Variants in MOGAT3 observed in about 807,000 individuals in gnomAD.
MOGAT3 encodes the protein monoacylglycerol O-acyltransferase 3, also known as 2-acylglycerol O-acyltransferase 3.
Under a neutral mutation model 34.4 loss-of-function variants are expected in MOGAT3, and 39 were observed. That is an observed-to-expected ratio of 1.13 (90% confidence interval 0.88 to 1.48). The LOEUF (loss-of-function observed/expected upper bound fraction) is 1.48, where lower values mean the gene tolerates loss of function less well. MOGAT3 is among the 40% of genes most tolerant of loss of function. The pLI is 0.00. For synonymous variants in MOGAT3, 209 were observed against 179.2 expected, an observed-to-expected ratio of 1.17 and a Z score of -1.33; for missense variants, 439 against 438.9, an observed-to-expected ratio of 1.00 and a Z score of 0.00.
At chr7:101,199,242 G>A (rs1262156160) in intron 3 of MOGAT3, among the ~76,000 whole-genome samples, 2 of 152,014 alleles carry the variant, frequency 1.3e-5, no homozygotes, top group African/African-American at 2.4e-5. Context: ...TCCTGACCTC[G>A]TGATCTGCCT....
downstream of MOGAT3, among the ~76,000 whole-genome samples, chr7:101,193,064 C>T (rs375668535): frequency 1.3e-5 from 2 of 151,928 alleles, no homozygotes; most frequent in African/African-American, 4.8e-5. Context: ...GGCGACAGAG[C>T]GAGACTCCAT....
At chr7:101,194,369 G>C (rs530205428), downstream of MOGAT3, among the ~76,000 whole-genome samples, 1 of 151,684 alleles carries the variant, frequency 6.6e-6, no homozygotes, top group Admixed American at 6.6e-5. Context: ...TGTATTTTTA[G>C]TAGAGACGGG....
intron 5 of MOGAT3, 38 bp downstream of exon 5, chr7:101,198,153 G>A (rs773211183): frequency 6.3e-7 from 1 of 1,577,402 alleles, no homozygotes; most frequent in East Asian, 2.3e-5. Context: ...GCATAAACCA[G>A]CAGAGAACTG....
In MOGAT3 at chr7:101,195,869, T is replaced by G. The variant is rs1183599850; in HGVS notation, c.*77A>C. The G allele has an allele frequency of 3.3e-6, 5 of 1,496,346 alleles. No homozygotes were observed. In the Admixed American group the frequency reaches 8.6e-5, roughly 26 times the overall value. The allele number at this position is 1,496,346 out of a possible 1,614,324, so 92.7% of individuals were successfully genotyped here. ...CGCTGGGCCCAGAACTACCTTTTAT[T>G]GGAGGCATGGAGTCCACAGTGGGTG... On this transcript the variant is annotated 3_prime_UTR_variant, in exon 7 of 7. Coordinates refer to ENST00000223114, the MANE Select transcript of MOGAT3 (RefSeq NM_178176.4).
At position 101,198,207 on chromosome 7, in the gene MOGAT3, G is replaced by T. The variant is rs147088021; in HGVS notation, c.652C>A (p.Leu218Met). Residue 218 changes from leucine to methionine, a missense_variant, in exon 5 of 7, where the codon CTG becomes ATG. Transcript: ENST00000223114. The part of the protein sequence containing the change: ...TLQKRKGFVR[L>M]ALRHGASLVP... ...CGCACTCACCCGTGCCTCAGCGCCAGGCGCACGAAGCCTTTGCGCTTCTGG... is the reference window on the plus strand; with the variant it reads ...CGCACTCACCCGTGCCTCAGCGCCATGCGCACGAAGCCTTTGCGCTTCTGG... 10 of 1,612,634 alleles carry T rather than the reference G, an allele frequency of 6.2e-6. No homozygotes were observed. Among genetic ancestry groups the T allele is most frequent in the Non-Finnish European group, 8.5e-6 (10 of 1,179,218 alleles).
chr7:101,199,088 C>T (rs1318039760), intron 3 of MOGAT3, among the ~76,000 whole-genome samples: 2 of 151,502 alleles, frequency 1.3e-5, no homozygotes, highest in Admixed American at 6.6e-5. Flanking sequence ...CTGCAACCTC[C>T]GCCTCTTGGT....
At position 101,196,061 on chromosome 7, in the gene MOGAT3, G is replaced by A. The variant is rs1233038388; in HGVS notation, c.911C>T (p.Thr304Ile). Residue 304 changes from threonine (T) to isoleucine (I), a missense_variant, in exon 7 of 7, where the codon ACC becomes ATC. By Grantham distance (89) the Thr-to-Ile change is moderately conservative. Coordinates refer to ENST00000223114, the MANE Select transcript of MOGAT3 (RefSeq NM_178176.4). ...PIPVPQRLHP[T>I]EEEVNHYHAL... is the part of the protein sequence containing the mutation. ...GTGATAGTGATTGACTTCCTCCTCG[G>A]TGGGGTGGAGGCGCTGGGGGACGGG... The A allele has an allele frequency of 1.2e-6, 2 of 1,613,424 alleles. No homozygotes were observed. Among genetic ancestry groups the A allele is most frequent in the Non-Finnish European group, 1.7e-6 (2 of 1,179,676 alleles).
chr7:101,200,910 G>C lies in MOGAT3; in HGVS notation c.-56C>G. Reference sequence around the variant, plus strand: ...CAGAACCCGGAGGACAAACGATGAAGGCTTGGATGTGGACCTGGGCAGACT... The same window carrying C: ...CAGAACCCGGAGGACAAACGATGAACGCTTGGATGTGGACCTGGGCAGACT... On this transcript the variant is annotated 5_prime_UTR_variant, in exon 1 of 7. Coordinates refer to ENST00000223114, the MANE Select transcript of MOGAT3 (RefSeq NM_178176.4). 1 of 1,448,138 alleles carries C rather than the reference G, an allele frequency of 6.9e-7. No individual in the cohort carries two copies. The highest frequency in any genetic ancestry group is 9.5e-7 in the Non-Finnish European group (1 of 1,049,428). 89.7% of individuals were successfully genotyped at this position (1,448,138 alleles called of 1,614,324 possible). A position where few individuals can be genotyped will look rare whatever the true frequency, so the allele number is the denominator to read the frequency against.
chr7:101,196,126 C>T (rs760159050), intron 6 of MOGAT3, 26 bp from the exon 7 acceptor site: 18 of 1,588,296 alleles, frequency 1.1e-5, no homozygotes, highest in South Asian at 2.3e-5. Flanking sequence ...GACAGGTGGG[C>T]GAGGGATCCC....
chr7:101,200,689 C>T (rs1797933353), intron 1 of MOGAT3, 57 bp downstream of exon 1: 2 of 1,487,018 alleles, frequency 1.3e-6, no homozygotes, highest in Non-Finnish European at 1.9e-6. Context: ...AGCCACTCTC[C>T]CTCCAAGCCC....
chr7:101,198,136 A>C, intron 5 of MOGAT3, 55 bp downstream of exon 5: 2 of 1,553,504 alleles, frequency 1.3e-6, no homozygotes, highest in Non-Finnish European at 1.7e-6. Flanking sequence ...CTGGGGACTG[A>C]GAGAGGGCAT....
rs1277190865 is a variant in MOGAT3 at position 101,195,651 on chromosome 7, C to T, written c.*295G>A. 2.5e-6 allele frequency: 1 copy of T among 394,308 alleles called. No homozygotes were observed. Among genetic ancestry groups the T allele is most frequent in the Non-Finnish European group, 4.6e-6 (1 of 215,968 alleles). The allele number at this position is 394,308 out of a possible 1,614,324, so 24.4% of individuals were successfully genotyped here. On this transcript the variant is annotated 3_prime_UTR_variant, in exon 7 of 7. Coordinates refer to ENST00000223114, the MANE Select transcript of MOGAT3 (RefSeq NM_178176.4). ...CCGCCTCCTGGGTTTAAGCAAGTCT[C>T]CTGCCTCAGCCTCCCAAATAGCTGG... is the stretch of plus-strand genomic sequence containing the variant.
At chr7:101,200,106 C>A in intron 3 of MOGAT3, 128 bp downstream of exon 3, 4 of 757,456 alleles carry the variant, frequency 5.3e-6, no homozygotes, top group South Asian at 1.6e-5. Context: ...AAAAAAAATC[C>A]ATTCCCTGTC....
At chr7:101,198,508 G>A (rs1797861404) in intron 4 of MOGAT3, 118 bp downstream of exon 4, 20 of 1,323,328 alleles carry the variant, frequency 1.5e-5, no homozygotes, top group Non-Finnish European at 2.0e-5. Flanking sequence ...TCTGGGCAGT[G>A]CTCAGGCTGG....
chr7:101,193,957 T>C (rs1463786432), downstream of MOGAT3, among the ~76,000 whole-genome samples: 1 of 152,152 alleles, frequency 6.6e-6, no homozygotes, highest in Non-Finnish European at 1.5e-5. Context: ...CAAATAGGAT[T>C]GACCAAAGTC....
At chr7:101,198,895 C>G (rs1797878834) in intron 3 of MOGAT3, 65 bp from the exon 4 acceptor site, 30 of 1,439,128 alleles carry the variant, frequency 2.1e-5, no homozygotes, top group Non-Finnish European at 2.9e-5. Flanking sequence ...AAGAGGGGCC[C>G]TCCACCCCAA....
intron 5 of MOGAT3, among the ~76,000 whole-genome samples, chr7:101,197,800 G>A (rs571571607): frequency 2.4e-4 from 36 of 152,174 alleles, no homozygotes; most frequent in African/African-American, 8.2e-4. Flanking sequence ...CTCGGGAGGC[G>A]GAGGTTGCAG....
In MOGAT3 at chr7:101,195,864, T is replaced by C. The variant is rs575326820; in HGVS notation, c.*82A>G. On this transcript the variant is annotated 3_prime_UTR_variant, in exon 7 of 7. Transcript: ENST00000223114. ...CACTGCGCTGGGCCCAGAACTACCT[T>C]TTATTGGAGGCATGGAGTCCACAGT... 279 of 1,451,852 alleles carry C rather than the reference T, an allele frequency of 1.9e-4. 1 individual carries two copies. The African/African-American group carries it at 3.3e-3, about 17-fold the overall frequency. The allele number at this position is 1,451,852 out of a possible 1,614,324, so 89.9% of individuals were successfully genotyped here.
At chr7:101,193,327 C>T (rs1006607798), downstream of MOGAT3, among the ~76,000 whole-genome samples, 19 of 152,274 alleles carry the variant, frequency 1.2e-4, no homozygotes, top group African/African-American at 3.4e-4. Flanking sequence ...GATGCTCCCA[C>T]GGCAGGAAAG....
Sources: gnomAD v4.1 joint callset for allele counts (sites outside exome capture counted in the v4.1 genomes callset) on GRCh38, gnomAD v4.1.1 for gene constraint, MANE v1.5 for transcripts, NCBI Gene and HGNC (gene_info 2026-07-23, HGNC 2026-07-21) for gene names.